Variants in ANKRD11 observed in about 807,000 individuals in gnomAD.
The protein encoded by ANKRD11 is ankyrin repeat domain 11, also known as ankyrin repeat domain-containing protein 11.
A neutral mutation model predicts 195.7 loss-of-function variants in ANKRD11; 17 were observed. The ratio of observed to expected loss-of-function variants is 0.09; its 90% confidence interval spans 0.06 to 0.13. The LOEUF (loss-of-function observed/expected upper bound fraction) is 0.13. Among genes scored for constraint, ANKRD11 ranks in the 10% least tolerant of loss-of-function variants. The pLI, the probability that ANKRD11 is intolerant of heterozygous loss-of-function variation, is 1.00. For missense variants in ANKRD11, 3,735 were observed against 3,566.1 expected (o/e 1.05, Z -1.21); for synonymous variants, 1,953 against 1,528.1 (o/e 1.28, Z -6.49).
intron 2 of ANKRD11, chr16:89,396,042 T>C (rs1172612855): frequency 1.3e-5 from 2 of 152,142 alleles, no homozygotes; most frequent in African/African-American, 4.8e-5. Flanking sequence ...TGTTCGGACA[T>C]GAGTACTGGC....
At chr16:89,486,092 G>T (rs1049191671) in intron 1 of ANKRD11, among the ~76,000 whole-genome samples, 1 of 152,122 alleles carries the variant, frequency 6.6e-6, no homozygotes, top group Non-Finnish European at 1.5e-5. Context: ...TTTATCTCTT[G>T]TTCTGCCTTA....
At chr16:89,440,529 T>C (rs909623274) in intron 1 of ANKRD11, among the ~76,000 whole-genome samples, 7 of 152,086 alleles carry the variant, frequency 4.6e-5, no homozygotes, top group Non-Finnish European at 7.4e-5. Context: ...GGTGGGAGAA[T>C]TGCTTGAGAC....
In ANKRD11 at chr16:89,280,773, G is replaced by A; in HGVS notation, c.5769C>T (p.Ile1923=). The stretch of plus-strand genomic sequence containing the variant: ...CCAGGTAGCTGGGCTCCGGGGGGAT[G>A]ATGGCGGCCGTCGCCTGCTGGTCCT... ...TSEDQQATAA[I]IPPEPSYLEP... is the part of the protein sequence containing the mutation. The change falls in exon 9 of 13, where the codon ATC becomes ATT. Residue 1923 remains isoleucine (I), a synonymous_variant. Coordinates refer to ENST00000301030, the MANE Select transcript of ANKRD11 (RefSeq NM_013275.6). 1 of 1,612,150 alleles carries A rather than the reference G, an allele frequency of 6.2e-7. No homozygotes were observed. The highest frequency in any genetic ancestry group is 8.5e-7 in the Non-Finnish European group (1 of 1,178,754).
chr16:89,448,062 C>A (rs1046418752), intron 1 of ANKRD11, among the ~76,000 whole-genome samples: 1 of 152,122 alleles, frequency 6.6e-6, no homozygotes, highest in Non-Finnish European at 1.5e-5. Context: ...ACCTTGGCCT[C>A]CCAAAGTGCT....
At chr16:89,427,418 G>A (rs1374439245) in intron 1 of ANKRD11, among the ~76,000 whole-genome samples, 1 of 152,162 alleles carries the variant, frequency 6.6e-6, no homozygotes, top group Admixed American at 6.5e-5. Context: ...AAATCTAGAT[G>A]GAATTGTAAA....
In ANKRD11 at chr16:89,280,324, G is replaced by A. The variant is rs770387752; in HGVS notation, c.6218C>T (p.Pro2073Leu). 1.0e-5 allele frequency: 16 copies of A among 1,585,654 alleles called. No homozygotes were observed. The highest frequency in any genetic ancestry group is 4.5e-5 in the East Asian group (2 of 44,438). ...GGGGGCCACGTCCAGCGGGGCTTCC[G>A]GAAGTGACTTGCAGTTGCTGAAGAA... is the stretch of plus-strand genomic sequence containing the variant. ...ESFFSNCKSL[P>L]EAPLDVAPEP... The change falls in exon 9 of 13, where the codon CCG becomes CTG. Residue 2073 changes from proline to leucine, a missense_variant. By Grantham distance (98) the Pro-to-Leu change is moderately conservative. Coordinates refer to ENST00000301030, the MANE Select transcript of ANKRD11 (RefSeq NM_013275.6).
intron 2 of ANKRD11, among the ~76,000 whole-genome samples, chr16:89,394,047 A>G (rs1013793586): frequency 6.6e-6 from 1 of 152,170 alleles, no homozygotes; most frequent in Non-Finnish European, 1.5e-5. Context: ...CGGTGCCTGC[A>G]GCTCACAGGG....
At chr16:89,337,007 C>CCAAA (rs2038392554) in intron 2 of ANKRD11, among the ~76,000 whole-genome samples, 1 of 47,730 alleles carries the variant, frequency 2.1e-5, no homozygotes, top group Non-Finnish European at 3.7e-5. Context: ...CTGGCTCTAC[C>CCAAA]AAAAAAAAAA....
rs548251080 is a variant in ANKRD11, at chr16:89,348,884, A to C, written c.-59-31806T>G. On this transcript the variant is annotated intron_variant, in intron 2 of 12. Transcript: ENST00000301030. Reference sequence around the variant, plus strand: ...AGTTTTATTGTCTTTAAAAAAAAAAAAAAAACACCCAGCCGGGCATATCAC... The same window carrying C: ...AGTTTTATTGTCTTTAAAAAAAAAACAAAAACACCCAGCCGGGCATATCAC... Among the ~76,000 whole-genome samples, 607 of 151,392 alleles carry C rather than the reference A, an allele frequency of 4.0e-3. 3 individuals carry two copies. The highest frequency in any genetic ancestry group is 0.014 in the African/African-American group (581 of 41,384).
Position 89,285,409 on chromosome 16 carries a change from T to G in ANKRD11, c.1133A>C (p.Asn378Thr). 1 of 1,614,182 alleles carries G rather than the reference T, an allele frequency of 6.2e-7. No homozygotes were observed. The highest frequency in any genetic ancestry group is 1.1e-5 in the South Asian group (1 of 91,084). Residue 378 changes from asparagine to threonine, a missense_variant, in exon 9 of 13, where the codon AAT (asparagine) becomes ACT (threonine). By Grantham distance (65) the Asn-to-Thr change is moderately conservative (BLOSUM62 0). Transcript: ENST00000301030. The surrounding 1 kb of genome is among the most constrained non-coding windows in gnomAD (Gnocchi z 5.6). Reference sequence around the variant, plus strand: ...CATTTTGGGTATAGAGATAAAACTATTGGATTTCGTTTCTTTTCTGTAGTC... The same window carrying G: ...CATTTTGGGTATAGAGATAAAACTAGTGGATTTCGTTTCTTTTCTGTAGTC... ...KKDYRKETKS[N>T]SFISIPKMEV...
In ANKRD11 at chr16:89,434,455, T is replaced by C. The variant is rs185855444; in HGVS notation, c.-144-16087A>G. ...AAAGAAAGCCATAAAAATGAGAGAA[T>C]CCAGCGAAGTCGCTGCAGCCAGGAG... is the stretch of plus-strand genomic sequence containing the variant. On this transcript the variant is annotated intron_variant, in intron 1 of 12. Transcript: ENST00000301030. 3.5e-3 allele frequency among the ~76,000 whole-genome samples: 526 copies of C among 152,238 alleles called. 5 individuals carry two copies. Among genetic ancestry groups the C allele is most frequent in the Non-Finnish European group, 4.2e-3 (288 of 68,018 alleles).
chr16:89,426,398 C>A (rs1005355633), intron 1 of ANKRD11, among the ~76,000 whole-genome samples: 1 of 152,044 alleles, frequency 6.6e-6, no homozygotes, highest in Non-Finnish European at 1.5e-5. Context: ...GCAGGAGGCC[C>A]GGCTCCACAA....
chr16:89,382,394 C>T lies in ANKRD11; in HGVS notation c.-60+35890G>A, dbSNP rs150669222. ...AGGCTGGAGGGCAATGGTGCAATCT[C>T]GGCTCACTGCCACCTCCGCCTCCCA... On this transcript the variant is annotated intron_variant, in intron 2 of 12. Transcript: ENST00000301030. Among the ~76,000 whole-genome samples the T allele has an allele frequency of 8.5e-3, 1,296 of 152,140 alleles. 39 individuals are homozygous for T. Among genetic ancestry groups the T allele is most frequent in the East Asian group, 0.034 (175 of 5,184 alleles).
At chr16:89,333,336 C>T (rs8062606) in intron 2 of ANKRD11, among the ~76,000 whole-genome samples, 4,003 of 152,306 alleles carry the variant, frequency 0.026, 43 homozygotes, top group South Asian at 0.044. Context: ...CGAGAGTGGC[C>T]GTTTGTTACA....
At chr16:89,473,029 AAAAGTACAAACATTAGCCAGGT>A (rs2057139941) in intron 1 of ANKRD11, among the ~76,000 whole-genome samples, 1 of 152,104 alleles carries the variant, frequency 6.6e-6, no homozygotes, top group Non-Finnish European at 1.5e-5. Context: ...CGACTCTACA[AAAAGTACAAACATTAGCCAGGT>A]GTGGTGGTAC....
chr16:89,469,293 C>T (rs925028760), intron 1 of ANKRD11, among the ~76,000 whole-genome samples: 1 of 152,128 alleles, frequency 6.6e-6, no homozygotes, highest in Non-Finnish European at 1.5e-5. Flanking sequence ...GCAATCTTGG[C>T]TCACTGCAAC....
intron 2 of ANKRD11, chr16:89,323,438 T>TAA (rs2037468994): frequency 2.2e-6 from 1 of 456,784 alleles, no homozygotes; most frequent in Non-Finnish European, 3.1e-6. Flanking sequence ...GCAGGGGGGC[T>TAA]GAGCCGAGGG....
chr16:89,301,712 C>G, intron 4 of ANKRD11: 3 of 398,622 alleles, frequency 7.5e-6, no homozygotes, highest in Non-Finnish European at 1.3e-5. Context: ...GCAGGGACCA[C>G]GCGGATGCAC....
In ANKRD11 at chr16:89,397,183, G is replaced by A. The variant is rs189992845; in HGVS notation, c.-60+21101C>T. ...GCCAGAGCTCCTCAGGCTCCTCCAC[G>A]TCCAACGGCGTCTCACAGTCCTGAG... On this transcript the variant is annotated intron_variant, in intron 2 of 12. Coordinates refer to ENST00000301030, the MANE Select transcript of ANKRD11 (RefSeq NM_013275.6). Among the ~76,000 whole-genome samples, 268 of 152,246 alleles carry A rather than the reference G, an allele frequency of 1.8e-3. 2 individuals carry two copies. The highest frequency in any genetic ancestry group is 5.7e-3 in the African/African-American group (237 of 41,538).
Sources: gnomAD v4.1 joint callset for allele counts (sites outside exome capture counted in the v4.1 genomes callset) on GRCh38, gnomAD v4.1.1 for gene constraint, Gnocchi (gnomAD v3.1) non-coding constraint, MANE v1.5 for transcripts, NCBI Gene and HGNC (gene_info 2026-07-23, HGNC 2026-07-21) for gene names.